Variants in HPCAL1 observed in about 807,000 individuals in gnomAD.
HPCAL1 encodes the protein hippocalcin like 1, also known as hippocalcin-like protein 1.
A neutral mutation model predicts 17.1 loss-of-function variants in HPCAL1; 8 were observed. That is an observed-to-expected ratio of 0.47 (90% CI 0.27 to 0.84). The LOEUF (loss-of-function observed/expected upper bound fraction) is 0.84, where lower values mean the gene tolerates loss of function less well. Among genes scored for constraint, HPCAL1 ranks in the 40% least tolerant of loss-of-function variants. The probability of loss-of-function intolerance (pLI) is 0.13; values close to 1 mark genes in which losing one functional copy is unlikely to be tolerated. For missense variants in HPCAL1, 165 were observed against 271.1 expected, an observed-to-expected ratio of 0.61 and a Z score of 2.75; for synonymous variants, 112 against 111.4, an observed-to-expected ratio of 1.01 and a Z score of -0.03.
At chr2:10,309,979 C>G (rs1343267844) in intron 1 of HPCAL1, among the ~76,000 whole-genome samples, 1 of 152,156 alleles carries the variant, frequency 6.6e-6, no homozygotes, top group Non-Finnish European at 1.5e-5. Context: ...AGTATTAGAA[C>G]CTCATTTGCA....
At chr2:10,402,271 T>C (rs1036677724) in intron 2 of HPCAL1, among the ~76,000 whole-genome samples, 3 of 152,208 alleles carry the variant, frequency 2.0e-5, no homozygotes, top group African/African-American at 7.2e-5. Flanking sequence ...CTGGAAGCGC[T>C]CTGAGGGCGT....
At chr2:10,321,475 A>G (rs1572632695) in intron 1 of HPCAL1, among the ~76,000 whole-genome samples, 2 of 152,160 alleles carry the variant, frequency 1.3e-5, no homozygotes, top group South Asian at 4.2e-4. Context: ...TATAATTTAC[A>G]TACCATATAC....
intron 1 of HPCAL1, among the ~76,000 whole-genome samples, chr2:10,391,275 T>G (rs1329553914): frequency 1.3e-5 from 2 of 152,108 alleles, no homozygotes; most frequent in Non-Finnish European, 2.9e-5. Flanking sequence ...TCCCTTCCCC[T>G]CTGTAAGGGG....
Position 10,330,841 on chromosome 2 carries a change from C to T in HPCAL1, c.-111+27664C>T, listed in dbSNP as rs917636574. On this transcript the variant is annotated intron_variant, in intron 1 of 4. Transcript: ENST00000307845. The surrounding 1 kb of genome is among the most constrained non-coding windows in gnomAD (Gnocchi z 4.2). ...CTCTCTGTCAGTGTGTCTCCGACTG[C>T]GGACCCCGATCATCTTTGTGAGAAT... is the stretch of plus-strand genomic sequence containing the variant. Among the ~76,000 whole-genome samples the T allele has an allele frequency of 2.0e-5, 3 of 152,214 alleles. No individual in the cohort carries two copies. Among genetic ancestry groups the T allele is most frequent in the Admixed American group, 6.5e-5 (1 of 15,282 alleles).
At chr2:10,400,587 C>A (rs1037212437) in intron 2 of HPCAL1, among the ~76,000 whole-genome samples, 4 of 152,070 alleles carry the variant, frequency 2.6e-5, no homozygotes, top group African/African-American at 7.2e-5. Flanking sequence ...GGCAGGGCAG[C>A]GGGGAAGGGA....
At position 10,367,223 on chromosome 2, in the gene HPCAL1, T is replaced by C. The variant is rs1005684504; in HGVS notation, c.-110-29612T>C. On this transcript the variant is annotated intron_variant, in intron 1 of 4. Transcript: ENST00000307845. This position sits in a 1 kb window ranked among gnomAD's most constrained non-coding sequence, Gnocchi z 4.4. The stretch of plus-strand genomic sequence containing the variant: ...AAAATAGGCTGAGACTTTTTACAGT[T>C]AGATATTTAATATACAGATGACGGG... Among the ~76,000 whole-genome samples the C allele has an allele frequency of 2.6e-5, 4 of 151,934 alleles. No homozygotes were observed. The highest frequency in any genetic ancestry group is 5.9e-5 in the Non-Finnish European group (4 of 68,000).
At position 10,419,791 on chromosome 2, in the gene HPCAL1, G is replaced by A. The variant is rs969150850; in HGVS notation, c.34G>A (p.Val12Met). The A allele has an allele frequency of 6.2e-7, 1 of 1,613,208 alleles. No homozygotes were observed. Among genetic ancestry groups the A allele is most frequent in the East Asian group, 2.2e-5 (1 of 44,858 alleles). The change falls in exon 3 of 5, where the codon GTG (valine) becomes ATG (methionine). Residue 12 changes from valine to methionine, a missense_variant. Val to Met is a conservative substitution (Grantham distance 21). Transcript: ENST00000307845. The surrounding 1 kb of genome is among the most constrained non-coding windows in gnomAD (Gnocchi z 5.0). ...ACAGAACAGCAAGCTGCGGCCCGAG[G>A]TGCTGCAGGACCTGCGGGAGAACAC... Reference protein sequence around the residue: ...GKQNSKLRPEVLQDLRENTEF... With the variant: ...GKQNSKLRPEMLQDLRENTEF...
chr2:10,393,435 C>T lies in HPCAL1; in HGVS notation c.-110-3400C>T, dbSNP rs1229269991. On this transcript the variant is annotated intron_variant, in intron 1 of 4. Coordinates refer to ENST00000307845, the MANE Select transcript of HPCAL1 (RefSeq NM_002149.4). ...TGGGCCTCCTCTGCGGAGTCCAGCT[C>T]ATCCACTTTGTCACAGATGGGGAAA... 3.9e-5 allele frequency among the ~76,000 whole-genome samples: 6 copies of T among 152,218 alleles called. No homozygotes were observed. The East Asian group carries it at 5.8e-4, about 15-fold the overall frequency.
chr2:10,407,855 G>A (rs1171955675), intron 2 of HPCAL1, among the ~76,000 whole-genome samples: 1 of 152,192 alleles, frequency 6.6e-6, no homozygotes, highest in Non-Finnish European at 1.5e-5. Flanking sequence ...TCTAATGAAG[G>A]AAAAAGACAA....
In HPCAL1 at chr2:10,419,704, G is replaced by A. The variant is rs913939624; in HGVS notation, c.-24-30G>A. ...TCAGCCCTGCTCCGTGGCCGTGGGT[G>A]GCGTCCCCGGCTGACCCCCTGTCTT... On this transcript the variant is annotated intron_variant, in intron 2 of 4. Transcript: ENST00000307845. This position sits in a 1 kb window ranked among gnomAD's most constrained non-coding sequence, Gnocchi z 5.0. 14 of 1,563,910 alleles carry A rather than the reference G, an allele frequency of 9.0e-6. No individual in the cohort carries two copies. The highest frequency in any genetic ancestry group is 4.5e-5 in the East Asian group (2 of 44,578).
In HPCAL1 at chr2:10,304,222, C is replaced by T. The variant is rs898638838; in HGVS notation, c.-111+1045C>T. On this transcript the variant is annotated intron_variant, in intron 1 of 4. Transcript: ENST00000307845. The surrounding 1 kb of genome is among the most constrained non-coding windows in gnomAD (Gnocchi z 4.1). The stretch of plus-strand genomic sequence containing the variant: ...GGCTCCCGCGCAAGCGTGGGGGTCC[C>T]TCTCCTGGCCGGGAGGCAGCGACTG... Among the ~76,000 whole-genome samples the T allele has an allele frequency of 1.1e-4, 17 of 152,170 alleles. No homozygotes were observed. The highest frequency in any genetic ancestry group is 2.1e-4 in the Non-Finnish European group (14 of 68,018).
rs1003877259 is a variant in HPCAL1 at position 10,384,722 on chromosome 2, A to C, written c.-110-12113A>C. On this transcript the variant is annotated intron_variant, in intron 1 of 4. Transcript: ENST00000307845. The surrounding 1 kb of genome is among the most constrained non-coding windows in gnomAD (Gnocchi z 4.4). ...AGGGAGTGTTCTAGGCAGAGTAAAC[A>C]GTGCAGTGGCAGCCGGGGCTGGCAC... Among the ~76,000 whole-genome samples the C allele has an allele frequency of 1.1e-4, 17 of 152,148 alleles. No homozygotes were observed. The highest frequency in any genetic ancestry group is 1.9e-4 in the Non-Finnish European group (13 of 68,018).
chr2:10,320,258 G>A (rs755367947), intron 1 of HPCAL1, among the ~76,000 whole-genome samples: 2 of 152,110 alleles, frequency 1.3e-5, no homozygotes, highest in Non-Finnish European at 2.9e-5. Context: ...GGACGGATAT[G>A]GTTTGGATTT....
At chr2:10,309,061 G>T (rs887369201) in intron 1 of HPCAL1, among the ~76,000 whole-genome samples, 1 of 151,850 alleles carries the variant, frequency 6.6e-6, no homozygotes, top group Non-Finnish European at 1.5e-5. Flanking sequence ...TTGAGATAGG[G>T]TCTTGCTCTG....
At chr2:10,422,167 C>A (rs1671104237) in intron 3 of HPCAL1, among the ~76,000 whole-genome samples, 1 of 152,238 alleles carries the variant, frequency 6.6e-6, no homozygotes, top group Admixed American at 6.5e-5. Context: ...AAGCCTTCCC[C>A]CGACGCCATC....
intron 1 of HPCAL1, among the ~76,000 whole-genome samples, chr2:10,356,115 T>G (rs950238630): frequency 6.6e-6 from 1 of 152,218 alleles, no homozygotes; most frequent in African/African-American, 2.4e-5. Flanking sequence ...TTTACTCTTC[T>G]GAGTCCAGCA....
chr2:10,416,718 T>C (rs1423112648), intron 2 of HPCAL1, among the ~76,000 whole-genome samples: 3 of 151,866 alleles, frequency 2.0e-5, no homozygotes, highest in East Asian at 3.9e-4. Flanking sequence ...TTTTTTTCCA[T>C]GTAGAAATCT....
chr2:10,411,590 T>G lies in HPCAL1; in HGVS notation c.-24-8144T>G, dbSNP rs139768171. 3.1e-3 allele frequency among the ~76,000 whole-genome samples: 466 copies of G among 152,324 alleles called. 2 individuals are homozygous for G. The highest frequency in any genetic ancestry group is 0.011 in the African/African-American group (442 of 41,584). On this transcript the variant is annotated intron_variant, in intron 2 of 4. Transcript: ENST00000307845. The stretch of plus-strand genomic sequence containing the variant: ...CCCTGGACCCCACTTTATTCACTTT[T>G]TATGCCCCTTCCTGGGCATGCCTAC...
chr2:10,312,605 C>T (rs1663056679), intron 1 of HPCAL1, among the ~76,000 whole-genome samples: 1 of 151,110 alleles, frequency 6.6e-6, no homozygotes, highest in South Asian at 2.1e-4. Context: ...TCATCATCAC[C>T]ATCACCACCA....
Sources: allele counts gnomAD v4.1 joint callset (sites outside exome capture counted in the v4.1 genomes callset), GRCh38; gene constraint gnomAD v4.1.1; non-coding constraint Gnocchi (gnomAD v3.1); transcripts MANE v1.5; gene names NCBI Gene and HGNC (gene_info 2026-07-23, HGNC 2026-07-21).